The following ILRUN variants were observed in gnomAD, a reference collection of about 807,000 sequenced individuals.
ILRUN encodes inflammation and lipid regulator with UBA-like and NBR1-like domains.
Under a neutral mutation model 33.8 loss-of-function variants are expected in ILRUN, and 3 were observed. The observed-to-expected ratio is 0.09, with a 90% CI of 0.04 to 0.23. The LOEUF is 0.23. Ranked by LOEUF, ILRUN falls within the 10% of genes least tolerant of loss-of-function variation. The pLI is 1.00. For synonymous variants in ILRUN, 124 were observed against 138.9 expected (o/e 0.89, Z 0.75); for missense variants, 210 against 375.1 (o/e 0.56, Z 3.64).
chr6:34,611,255 C>T (rs752405370), intron 3 of ILRUN, among the ~76,000 whole-genome samples: 1 of 151,962 alleles, frequency 6.6e-6, no homozygotes, highest in Non-Finnish European at 1.5e-5. Flanking sequence ...CAAAAATGTC[C>T]TTAGTATGAC....
Position 34,618,907 on chromosome 6 carries a change from G to A in ILRUN, c.512-12003C>T, listed in dbSNP as rs142633876. Among the ~76,000 whole-genome samples the A allele has an allele frequency of 2.0e-5, 3 of 152,278 alleles. No individual in the cohort carries two copies. The East Asian group carries it at 5.8e-4, about 29-fold the overall frequency. ...ACAGCCCTGACAATAAAGGAAAACC[G>A]GGAGTCTATGGTGCTCTAGAAGCCT... On this transcript the variant is annotated intron_variant, in intron 3 of 4. Transcript: ENST00000374023.
chr6:34,682,104 AC>A (rs1415318187), intron 1 of ILRUN, among the ~76,000 whole-genome samples: 1 of 146,428 alleles, frequency 6.8e-6, no homozygotes, highest in Non-Finnish European at 1.5e-5. Context: ...CGAACTCCTG[AC>A]TTCATGATCC....
intron 1 of ILRUN, among the ~76,000 whole-genome samples, chr6:34,661,980 C>T (rs1333627429): frequency 6.6e-6 from 1 of 151,958 alleles, no homozygotes; most frequent in Non-Finnish European, 1.5e-5. Flanking sequence ...AAAAAATTAG[C>T]CGGGCGTGGT....
chr6:34,691,912 T>C (rs1763658515), intron 1 of ILRUN, among the ~76,000 whole-genome samples: 1 of 152,208 alleles, frequency 6.6e-6, no homozygotes, highest in Admixed American at 6.6e-5. Flanking sequence ...TTTTCAAAAA[T>C]GACAAATTCT....
At chr6:34,673,508 A>G (rs191594939) in intron 1 of ILRUN, among the ~76,000 whole-genome samples, 203 of 152,338 alleles carry the variant, frequency 1.3e-3, no homozygotes, top group African/African-American at 4.6e-3. Context: ...TGTGCTGAGA[A>G]AGAAAAGTAA....
chr6:34,606,689 A>G lies in ILRUN; in HGVS notation c.727T>C (p.Trp243Arg), dbSNP rs893665544. 18 of 1,613,922 alleles carry G rather than the reference A, an allele frequency of 1.1e-5. No individual in the cohort carries two copies. The highest frequency in any genetic ancestry group is 1.4e-5 in the Non-Finnish European group (16 of 1,179,908). The change falls in exon 4 of 5, where the codon TGG (tryptophan) becomes CGG (arginine). Residue 243 changes from tryptophan (W) to arginine (R), a missense_variant. This residue lies in a region of ILRUN where 81 missense variants were observed against 97.0 expected (regional missense o/e 0.84). Transcript: ENST00000374023. ...GCCCATGTGTCAGGAGCAGGAGCCC[A>G]TGTGTTTTTGCTGATCGAGTCGAAC... ...SEFDSISKNT[W>R]APAPDTWAPA... is the part of the protein sequence containing the mutation.
chr6:34,601,736 C>T (rs1034643272), intron 4 of ILRUN, among the ~76,000 whole-genome samples: 12 of 152,098 alleles, frequency 7.9e-5, no homozygotes, highest in African/African-American at 2.9e-4. Flanking sequence ...AAACCCTCAC[C>T]TGGATGGAGA....
Position 34,588,912 on chromosome 6 carries a change from C to T in ILRUN, c.*1653G>A, listed in dbSNP as rs543808255. 2 of 152,942 alleles carry T rather than the reference C, an allele frequency of 1.3e-5. No individual in the cohort carries two copies. The highest frequency in any genetic ancestry group is 4.8e-5 in the African/African-American group (2 of 41,530). The allele number at this position is 152,942 out of a possible 1,614,324, so 9.5% of individuals were successfully genotyped here. ...ACACACATTTTTTGGAACTCAGACA[C>T]CCAGACAGAAACAGGCAGGCAGACC... On this transcript the variant is annotated 3_prime_UTR_variant, in exon 5 of 5. Coordinates refer to ENST00000374023, the MANE Select transcript of ILRUN (RefSeq NM_024294.4).
chr6:34,614,003 A>G (rs1179580715), intron 3 of ILRUN, among the ~76,000 whole-genome samples: 1 of 152,206 alleles, frequency 6.6e-6, no homozygotes, highest in African/African-American at 2.4e-5. Context: ...GAACAAAAGG[A>G]TAAGGGCATG....
intron 4 of ILRUN, among the ~76,000 whole-genome samples, chr6:34,603,895 C>A (rs2083093838): frequency 6.6e-6 from 1 of 152,192 alleles, no homozygotes; most frequent in Non-Finnish European, 1.5e-5. Flanking sequence ...CTACTTCCTA[C>A]ACCCTATTCT....
At chr6:34,600,974 G>GCAAGGT (rs1761495512) in intron 4 of ILRUN, among the ~76,000 whole-genome samples, 1 of 152,124 alleles carries the variant, frequency 6.6e-6, no homozygotes, top group South Asian at 2.1e-4. Context: ...ATGACCTTGG[G>GCAAGGT]CAAATCACTG....
chr6:34,631,552 C>T (rs1003203572), intron 3 of ILRUN, among the ~76,000 whole-genome samples: 37 of 152,168 alleles, frequency 2.4e-4, no homozygotes, highest in African/African-American at 7.7e-4. Context: ...TGGTCTCAAA[C>T]ACCTGACCTC....
chr6:34,604,680 G>A (rs909630790), intron 4 of ILRUN, among the ~76,000 whole-genome samples: 1 of 152,130 alleles, frequency 6.6e-6, no homozygotes, highest in African/African-American at 2.4e-5. Flanking sequence ...AGAAATAGGA[G>A]CTTAGAAGAA....
intron 3 of ILRUN, among the ~76,000 whole-genome samples, chr6:34,610,850 T>C (rs1761733260): frequency 2.0e-5 from 3 of 152,316 alleles, no homozygotes; most frequent in Admixed American, 2.0e-4. Context: ...GAGAAAGCTA[T>C]TCTGAAAGCT....
chr6:34,602,959 T>C (rs571392705), intron 4 of ILRUN, among the ~76,000 whole-genome samples: 2 of 152,186 alleles, frequency 1.3e-5, no homozygotes, highest in African/African-American at 2.4e-5. Context: ...TCTGTTGACA[T>C]ATCCACCCAG....
In ILRUN at chr6:34,587,610, C is replaced by G. The variant is rs1302193005; in HGVS notation, c.*2955G>C. 1 of 155,216 alleles carries G rather than the reference C, an allele frequency of 6.4e-6. No individual in the cohort carries two copies. The highest frequency in any genetic ancestry group is 1.4e-5 in the Non-Finnish European group (1 of 69,884). 9.6% of individuals were successfully genotyped at this position (155,216 alleles called of 1,614,324 possible). On this transcript the variant is annotated 3_prime_UTR_variant, in exon 5 of 5. Transcript: ENST00000374023. ...ATTTATTCTCATGCCCATTTCCCAC[C>G]ATGGCCACCCTCAGGCCACACCAGC...
At chr6:34,658,852 G>A (rs1177249098) in intron 1 of ILRUN, among the ~76,000 whole-genome samples, 1 of 152,132 alleles carries the variant, frequency 6.6e-6, no homozygotes, top group African/African-American at 2.4e-5. Context: ...CCAACTCTTG[G>A]CTGTGGGGTT....
chr6:34,686,175 C>T (rs932792636), intron 1 of ILRUN, among the ~76,000 whole-genome samples: 2 of 152,074 alleles, frequency 1.3e-5, no homozygotes, highest in South Asian at 4.1e-4. Flanking sequence ...AATTTATATA[C>T]CCAATAAGGA....
At position 34,590,827 on chromosome 6, in the gene ILRUN, G is replaced by A. The variant is rs375469743; in HGVS notation, c.862-227C>T. On this transcript the variant is annotated intron_variant, in intron 4 of 4. Coordinates refer to ENST00000374023, the MANE Select transcript of ILRUN (RefSeq NM_024294.4). The stretch of plus-strand genomic sequence containing the variant: ...AGATTTCTCACATCATCCAAAGAGA[G>A]GGGAGGGTAGAGATAACTCCCCCAT... 1.2e-4 allele frequency among the ~76,000 whole-genome samples: 19 copies of A among 152,304 alleles called. 1 individual carries two copies. The South Asian group carries it at 3.3e-3, about 27-fold the overall frequency.
Sources: allele counts gnomAD v4.1 joint callset (sites outside exome capture counted in the v4.1 genomes callset), GRCh38; gene constraint gnomAD v4.1.1; regional missense constraint gnomAD v4.1.1; transcripts MANE v1.5; gene names NCBI Gene and HGNC (gene_info 2026-07-23, HGNC 2026-07-21).